The following TRMT11 variants were observed in gnomAD, a reference collection of about 807,000 sequenced individuals.
TRMT11 encodes the protein tRNA (guanine(10)-N(2))-methyltransferase TRMT11.
Under a neutral mutation model 62.8 loss-of-function variants are expected in TRMT11, and 53 were observed. That is an observed-to-expected ratio of 0.84 (90% CI 0.68 to 1.06). TRMT11 has a LOEUF of 1.06. Ranked by LOEUF, TRMT11 falls within the 50% of genes least tolerant of loss-of-function variation. The probability of loss-of-function intolerance (pLI) is 0.00; values close to 1 mark genes in which losing one functional copy is unlikely to be tolerated. For synonymous variants in TRMT11, 188 were observed against 190.3 expected (o/e 0.99, Z 0.10); for missense variants, 556 against 553.4 (o/e 1.00, Z -0.05).
chr6:126,157,956 C>G (rs1407643561), intron 21 of TRMT11, among the ~76,000 whole-genome samples: 1 of 152,006 alleles, frequency 6.6e-6, no homozygotes, highest in Admixed American at 6.6e-5. Flanking sequence ...CCTTTGTAAC[C>G]AACACTAGAT....
chr6:126,234,580 A>C, the TRMT11 span, among the ~76,000 whole-genome samples: 1 of 152,198 alleles, frequency 6.6e-6, no homozygotes, highest in Non-Finnish European at 1.5e-5. Context: ...GAAAAGAATC[A>C]GGAAGATACC....
At chr6:126,036,122 C>T (rs553841781) in intron 12 of TRMT11, among the ~76,000 whole-genome samples, 61 of 152,168 alleles carry the variant, frequency 4.0e-4, no homozygotes, top group African/African-American at 1.4e-3. Context: ...GGTGATCTTG[C>T]ATGGCCTAGA....
At chr6:126,025,881 C>T (rs185404400) in intron 12 of TRMT11, among the ~76,000 whole-genome samples, 2 of 151,974 alleles carry the variant, frequency 1.3e-5, no homozygotes, top group East Asian at 3.9e-4. Flanking sequence ...AGTATTCTCC[C>T]TATCCCTCTT....
intron 1 of TRMT11, among the ~76,000 whole-genome samples, chr6:126,187,687 G>A (rs1397229401): frequency 4.6e-5 from 7 of 151,862 alleles, no homozygotes; most frequent in Non-Finnish European, 1.0e-4. Flanking sequence ...AAAGAATAAA[G>A]TGTAAAGACT....
chr6:126,257,254 G>T, the TRMT11 span, among the ~76,000 whole-genome samples: 2 of 151,648 alleles, frequency 1.3e-5, no homozygotes, highest in Non-Finnish European at 2.9e-5. Flanking sequence ...GGGTCTAAAA[G>T]GTCCTTTTCA....
chr6:126,036,951 T>C (rs1161995640), intron 12 of TRMT11, among the ~76,000 whole-genome samples: 1 of 152,112 alleles, frequency 6.6e-6, no homozygotes, highest in Non-Finnish European at 1.5e-5. Context: ...CCTGTGGCTC[T>C]TACACCTCCT....
intron 1 of TRMT11, among the ~76,000 whole-genome samples, chr6:125,988,219 ATAAT>A (rs1045947643): frequency 6.6e-6 from 1 of 152,240 alleles, no homozygotes; most frequent in Non-Finnish European, 1.5e-5. Flanking sequence ...CAATTAGAAG[ATAAT>A]TAATTGGTGA....
intron 2 of TRMT11, among the ~76,000 whole-genome samples, chr6:126,199,258 A>G (rs1778708084): frequency 6.6e-6 from 1 of 152,208 alleles, no homozygotes; most frequent in African/African-American, 2.4e-5. Flanking sequence ...CTTTATACAA[A>G]AACCACTGTG....
At chr6:126,123,583 A>T (rs1372541464) in intron 21 of TRMT11, among the ~76,000 whole-genome samples, 1 of 152,014 alleles carries the variant, frequency 6.6e-6, no homozygotes, top group Non-Finnish European at 1.5e-5. Context: ...CTGATAGTGG[A>T]CTATCTCTGT....
chr6:126,034,930 T>C (rs1049663181), intron 12 of TRMT11, among the ~76,000 whole-genome samples: 5 of 151,844 alleles, frequency 3.3e-5, no homozygotes, highest in African/African-American at 1.2e-4. Context: ...GGAATGTGAA[T>C]AGAGAAGAGT....
downstream of TRMT11, among the ~76,000 whole-genome samples, chr6:126,203,233 A>G (rs1778756589): frequency 6.6e-6 from 1 of 152,182 alleles, no homozygotes; most frequent in Admixed American, 6.5e-5. Flanking sequence ...TAATTTTTGA[A>G]CAATTTAATC....
intron 17 of TRMT11, among the ~76,000 whole-genome samples, chr6:126,091,681 A>T (rs1031726464): frequency 2.3e-4 from 35 of 152,176 alleles, no homozygotes; most frequent in African/African-American, 8.0e-4. Context: ...CTGATGCTCA[A>T]CAGGAAAGGC....
the TRMT11 span, among the ~76,000 whole-genome samples, chr6:126,242,339 C>T: frequency 1.2e-4 from 18 of 152,208 alleles, no homozygotes; most frequent in African/African-American, 3.1e-4. Context: ...GAATCAATAT[C>T]GTGAAAATGG....
chr6:126,015,279 G>A (rs879461642), intron 11 of TRMT11, among the ~76,000 whole-genome samples: 21 of 151,814 alleles, frequency 1.4e-4, no homozygotes, highest in Non-Finnish European at 2.9e-4. Context: ...AGGCTGGAGT[G>A]CAGTGGCATG....
chr6:126,119,984 C>G (rs1465799147), intron 21 of TRMT11, among the ~76,000 whole-genome samples: 1 of 151,960 alleles, frequency 6.6e-6, no homozygotes, highest in Admixed American at 6.6e-5. Context: ...GTAAAAGTGA[C>G]CAAATAAAGC....
At chr6:126,080,558 A>G (rs1286105332) in intron 17 of TRMT11, among the ~76,000 whole-genome samples, 3 of 152,190 alleles carry the variant, frequency 2.0e-5, no homozygotes, top group African/African-American at 7.2e-5. Context: ...TGCTGCGAGT[A>G]AATACTATAA....
At chr6:126,235,978 T>G in the TRMT11 span, among the ~76,000 whole-genome samples, 1 of 152,238 alleles carries the variant, frequency 6.6e-6, no homozygotes. Flanking sequence ...ACCTAGAGAA[T>G]GTGTATTTTG....
intron 17 of TRMT11, among the ~76,000 whole-genome samples, chr6:126,091,202 TCA>T (rs760392901): frequency 6.8e-5 from 4 of 58,440 alleles, no homozygotes; most frequent in African/African-American, 5.3e-4. Flanking sequence ...AGACTCCATC[TCA>T]AAAAAAAAAA....
chr6:126,179,427 G>A (rs1294140508), intron 1 of TRMT11, among the ~76,000 whole-genome samples: 6 of 152,146 alleles, frequency 3.9e-5, no homozygotes, highest in East Asian at 1.9e-4. Flanking sequence ...ACCCATCAGA[G>A]TACTCTTACT....
Sources: allele counts gnomAD v4.1 joint callset (sites outside exome capture counted in the v4.1 genomes callset), GRCh38; gene constraint gnomAD v4.1.1; transcripts MANE v1.5; gene names NCBI Gene and HGNC (gene_info 2026-07-23, HGNC 2026-07-21).